Variants in FRMPD2 observed in about 807,000 individuals in gnomAD.
FRMPD2 encodes FERM and PDZ domain containing 2, also known as FERM and PDZ domain-containing protein 2.
Under a neutral mutation model 140.1 loss-of-function variants are expected in FRMPD2, and 96 were observed. The ratio of observed to expected loss-of-function variants is 0.69; its 90% CI spans 0.58 to 0.81. The LOEUF is 0.81. Ranked by LOEUF, FRMPD2 falls within the 40% of genes least tolerant of loss-of-function variation. FRMPD2 has a pLI of 0.00. For missense variants in FRMPD2, 1,240 were observed against 1,447.4 expected (o/e 0.86, Z 2.32); for synonymous variants, 449 against 547.6 (o/e 0.82, Z 2.52).
Position 48,240,346 on chromosome 10 carries a change from G to A in FRMPD2, c.700+14C>T, listed in dbSNP as rs1840076213. ...CATCAGCCCACGCAGGGACTGCTTAGGGCACGTACCCACCTCTGCAAGGAT... is the reference window on the plus strand; with the variant it reads ...CATCAGCCCACGCAGGGACTGCTTAAGGCACGTACCCACCTCTGCAAGGAT... On this transcript the variant is annotated intron_variant, in intron 6 of 28. Transcript: ENST00000374201. 3 of 1,609,618 alleles carry A rather than the reference G, an allele frequency of 1.9e-6. No homozygotes were observed. The highest frequency in any genetic ancestry group is 2.5e-6 in the Non-Finnish European group (3 of 1,179,772).
intron 12 of FRMPD2, among the ~76,000 whole-genome samples, chr10:48,216,147 T>C (rs1839441921): frequency 6.6e-6 from 1 of 152,200 alleles, no homozygotes; most frequent in South Asian, 2.1e-4. Flanking sequence ...GCCTGCTAAC[T>C]ACACAGCTTG....
chr10:48,201,918 T>C (rs1487507221), intron 14 of FRMPD2, among the ~76,000 whole-genome samples: 2 of 148,916 alleles, frequency 1.3e-5, no homozygotes, highest in Non-Finnish European at 3.0e-5. Flanking sequence ...TCTATCAGTA[T>C]TTTTATTCTA....
intron 16 of FRMPD2, among the ~76,000 whole-genome samples, chr10:48,190,198 C>A (rs1289569376): frequency 6.6e-6 from 1 of 152,162 alleles, no homozygotes; most frequent in African/African-American, 2.4e-5. Context: ...TGGTGGGGGG[C>A]AGTTCCATGA....
chr10:48,172,604 T>C (rs1588803356), intron 25 of FRMPD2, among the ~76,000 whole-genome samples: 1 of 151,648 alleles, frequency 6.6e-6, no homozygotes, highest in South Asian at 2.1e-4. Context: ...TTGGCTGGAC[T>C]GTGAAGCCAA....
At chr10:48,233,761 G>A (rs945642679) in intron 9 of FRMPD2, among the ~76,000 whole-genome samples, 4 of 152,052 alleles carry the variant, frequency 2.6e-5, no homozygotes, top group Non-Finnish European at 5.9e-5. Context: ...GAATCCCCAT[G>A]CCTTGCCCAG....
intron 15 of FRMPD2, among the ~76,000 whole-genome samples, chr10:48,197,063 C>T (rs941426821): frequency 6.6e-6 from 1 of 152,194 alleles, no homozygotes; most frequent in African/African-American, 2.4e-5. Context: ...CCTGGAACCA[C>T]CAGCCTGTGG....
upstream of FRMPD2, chr10:48,274,807 C>G: frequency 1.9e-6 from 1 of 518,184 alleles, no homozygotes; most frequent in South Asian, 2.7e-5. Context: ...TGTTAGCAGG[C>G]ACTGCCACCC....
At chr10:48,224,625 T>G (rs2131909007) in intron 10 of FRMPD2, among the ~76,000 whole-genome samples, 1 of 152,218 alleles carries the variant, frequency 6.6e-6, no homozygotes, top group East Asian at 1.9e-4. Flanking sequence ...CACCAAAGGT[T>G]GGTTGGTAAT....
intron 13 of FRMPD2, among the ~76,000 whole-genome samples, chr10:48,210,110 T>G (rs1199539688): frequency 2.0e-5 from 3 of 152,280 alleles, no homozygotes; most frequent in East Asian, 3.9e-4. Context: ...AGGAAATGTT[T>G]ACTTTTATAA....
chr10:48,193,198 TG>T (rs746282901), intron 15 of FRMPD2, among the ~76,000 whole-genome samples: 1 of 152,208 alleles, frequency 6.6e-6, no homozygotes, highest in Non-Finnish European at 1.5e-5. Flanking sequence ...TTTGCGGGTG[TG>T]TCGGGCTCCG....
chr10:48,196,676 G>A (rs891332333), intron 15 of FRMPD2, among the ~76,000 whole-genome samples: 2 of 152,192 alleles, frequency 1.3e-5, no homozygotes, highest in Non-Finnish European at 2.9e-5. Flanking sequence ...AGCTGGAGGC[G>A]GTCAGTTCTC....
intron 13 of FRMPD2, among the ~76,000 whole-genome samples, chr10:48,208,530 G>A (rs1317498440): frequency 6.6e-6 from 1 of 152,170 alleles, no homozygotes; most frequent in Non-Finnish European, 1.5e-5. Flanking sequence ...AGCCAGGAAT[G>A]GAAATATGGA....
At chr10:48,239,971 A>G (rs1459915776) in intron 6 of FRMPD2, among the ~76,000 whole-genome samples, 1 of 152,186 alleles carries the variant, frequency 6.6e-6, no homozygotes, top group Non-Finnish European at 1.5e-5. Context: ...AAAAGCTCAG[A>G]TTTAGTTGAA....
At chr10:48,170,524 T>A (rs1838212444) in intron 26 of FRMPD2, among the ~76,000 whole-genome samples, 3 of 151,948 alleles carry the variant, frequency 2.0e-5, no homozygotes, top group Admixed American at 1.3e-4. Flanking sequence ...TGACTCCATT[T>A]TCTTCCAGGA....
At chr10:48,172,807 G>C in intron 25 of FRMPD2, 139 bp downstream of exon 25, 1 of 797,736 alleles carries the variant, frequency 1.3e-6, no homozygotes, top group Non-Finnish European at 2.1e-6. Flanking sequence ...TGAAAAAGCA[G>C]ATCTCAGCAT....
At chr10:48,206,633 T>G in intron 14 of FRMPD2, 115 bp downstream of exon 14, 11 of 753,206 alleles carry the variant, frequency 1.5e-5, no homozygotes, top group East Asian at 2.6e-5. Context: ...AGACAGGCTG[T>G]GAGAATGTTT....
At chr10:48,195,394 A>G (rs1326761006) in intron 15 of FRMPD2, among the ~76,000 whole-genome samples, 1 of 152,260 alleles carries the variant, frequency 6.6e-6, no homozygotes, top group African/African-American at 2.4e-5. Flanking sequence ...CAGAAGAATG[A>G]CTAAGAAGCA....
At chr10:48,227,868 G>A (rs1048413031) in intron 10 of FRMPD2, among the ~76,000 whole-genome samples, 3 of 152,104 alleles carry the variant, frequency 2.0e-5, no homozygotes, top group African/African-American at 4.8e-5. Flanking sequence ...ATAGAAGCTA[G>A]TTTAAGTTTT....
intron 12 of FRMPD2, among the ~76,000 whole-genome samples, 170 bp downstream of exon 12, chr10:48,222,143 T>TGGAG (rs1839609633): frequency 6.6e-6 from 1 of 151,716 alleles, no homozygotes; most frequent in Non-Finnish European, 1.5e-5. Context: ...GATGGATGGA[T>TGGAG]GGATGGATGG....
Sources: gnomAD v4.1 joint callset for allele counts (sites outside exome capture counted in the v4.1 genomes callset) on GRCh38, gnomAD v4.1.1 for gene constraint, MANE v1.5 for transcripts, NCBI Gene and HGNC (gene_info 2026-07-23, HGNC 2026-07-21) for gene names.